EPHA6: variants seen among roughly 807,000 people sequenced by gnomAD.
EPHA6 encodes the protein EPH receptor A6.
In EPHA6, 50 loss-of-function variants were observed where a neutral mutation model predicts 112.0. That is an observed-to-expected ratio of 0.45 (90% CI 0.36 to 0.56). The LOEUF (loss-of-function observed/expected upper bound fraction) is 0.56. EPHA6 is among the 20% of genes least tolerant of loss of function. The pLI is 0.00. For synonymous variants in EPHA6, 529 were observed against 490.7 expected (o/e 1.08, Z -1.03); for missense variants, 1,280 against 1,417.4 (o/e 0.90, Z 1.56).
chr3:96,879,259 G>A (rs6783843), intron 2 of EPHA6, among the ~76,000 whole-genome samples: 3,474 of 152,052 alleles, frequency 0.023, 138 homozygotes, highest in African/African-American at 0.079. Context: ...TGAACATAAT[G>A]CTGGATACAA....
At chr3:97,205,743 T>C (rs1056942851) in intron 3 of EPHA6, among the ~76,000 whole-genome samples, 11 of 152,122 alleles carry the variant, frequency 7.2e-5, no homozygotes, top group Non-Finnish European at 1.3e-4. Context: ...CTATTTTGTG[T>C]ATAGCAGAGT....
At chr3:97,276,113 G>A (rs1250829455) in intron 5 of EPHA6, among the ~76,000 whole-genome samples, 1 of 152,106 alleles carries the variant, frequency 6.6e-6, no homozygotes, top group Non-Finnish European at 1.5e-5. Flanking sequence ...TGAAAAGAAG[G>A]TAATATGGAA....
intron 2 of EPHA6, among the ~76,000 whole-genome samples, chr3:96,881,404 C>T (rs1169094275): frequency 6.6e-6 from 1 of 152,056 alleles, no homozygotes; most frequent in African/African-American, 2.4e-5. Flanking sequence ...AGAGAGAAGC[C>T]AAAGCAGAAA....
chr3:97,620,486 C>G (rs973301821), intron 13 of EPHA6, among the ~76,000 whole-genome samples: 11 of 152,032 alleles, frequency 7.2e-5, no homozygotes, highest in South Asian at 6.2e-4. Context: ...GGACAACCTA[C>G]AGAATGGGAG....
At chr3:97,435,792 T>C (rs2089797962) in intron 6 of EPHA6, among the ~76,000 whole-genome samples, 1 of 152,182 alleles carries the variant, frequency 6.6e-6, no homozygotes, top group Non-Finnish European at 1.5e-5. Context: ...CTTAGGTTTA[T>C]GAGTAGATAA....
intron 6 of EPHA6, among the ~76,000 whole-genome samples, chr3:97,437,572 G>T (rs1207145053): frequency 2.0e-5 from 3 of 152,048 alleles, no homozygotes; most frequent in Non-Finnish European, 4.4e-5. Context: ...CATTTATGTG[G>T]CTGTTTTAAT....
At chr3:97,102,390 A>T (rs985323503) in intron 3 of EPHA6, among the ~76,000 whole-genome samples, 16 of 152,078 alleles carry the variant, frequency 1.1e-4, no homozygotes, top group Admixed American at 7.2e-4. Flanking sequence ...CAATAAAATT[A>T]TTGTTATTTT....
intron 3 of EPHA6, among the ~76,000 whole-genome samples, chr3:97,169,138 G>T (rs1321951785): frequency 6.6e-6 from 1 of 152,170 alleles, no homozygotes; most frequent in Non-Finnish European, 1.5e-5. Flanking sequence ...AGCGTTGAAA[G>T]AGGTTGTTGT....
intron 3 of EPHA6, among the ~76,000 whole-genome samples, chr3:97,034,540 G>T (rs1576362752): frequency 6.6e-6 from 1 of 151,950 alleles, no homozygotes; most frequent in East Asian, 1.9e-4. Context: ...TTTGAAGGTT[G>T]TATCCCTTGC....
At chr3:97,339,624 C>T (rs1209689373) in intron 5 of EPHA6, among the ~76,000 whole-genome samples, 3 of 152,122 alleles carry the variant, frequency 2.0e-5, no homozygotes, top group African/African-American at 7.2e-5. Flanking sequence ...GATGCCAATA[C>T]CTACCTTAGG....
chr3:97,741,393 T>G (rs1482245779), intron 16 of EPHA6, among the ~76,000 whole-genome samples: 2 of 151,888 alleles, frequency 1.3e-5, no homozygotes, highest in Admixed American at 6.6e-5. Flanking sequence ...TCCCATAAAC[T>G]TCTGGCACAA....
At chr3:96,981,942 T>A (rs10040071) in intron 2 of EPHA6, among the ~76,000 whole-genome samples, 1 of 152,182 alleles carries the variant, frequency 6.6e-6, no homozygotes, top group African/African-American at 2.4e-5. Flanking sequence ...GATTCTTCTC[T>A]CTTTTCTTCT....
chr3:97,186,410 C>T (rs2077138099), intron 3 of EPHA6, among the ~76,000 whole-genome samples: 1 of 152,052 alleles, frequency 6.6e-6, no homozygotes, highest in Non-Finnish European at 1.5e-5. Flanking sequence ...CTAATCTATT[C>T]CATGTACCAG....
intron 6 of EPHA6, among the ~76,000 whole-genome samples, chr3:97,422,877 C>T (rs1240412551): frequency 1.3e-5 from 2 of 152,002 alleles, no homozygotes; most frequent in East Asian, 1.9e-4. Flanking sequence ...CAATGTGATT[C>T]AGTAAATAAA....
intron 3 of EPHA6, among the ~76,000 whole-genome samples, chr3:97,069,832 A>G (rs1449269947): frequency 1.3e-5 from 2 of 152,186 alleles, no homozygotes; most frequent in Non-Finnish European, 2.9e-5. Flanking sequence ...GTTATTAAAT[A>G]TTATAATTCA....
chr3:97,512,393 A>G (rs2092381244), intron 10 of EPHA6, among the ~76,000 whole-genome samples: 1 of 152,236 alleles, frequency 6.6e-6, no homozygotes, highest in African/African-American at 2.4e-5. Context: ...GTATCATTTT[A>G]TAATAAATAG....
At chr3:97,303,083 A>C (rs1204118187) in intron 5 of EPHA6, among the ~76,000 whole-genome samples, 1 of 151,980 alleles carries the variant, frequency 6.6e-6, no homozygotes, top group Admixed American at 6.6e-5. Flanking sequence ...AACACTAAAG[A>C]AAACTCTTCT....
At chr3:97,081,185 T>A (rs557590501) in intron 3 of EPHA6, among the ~76,000 whole-genome samples, 2 of 151,988 alleles carry the variant, frequency 1.3e-5, no homozygotes, top group African/African-American at 4.8e-5. Flanking sequence ...CAGATAAGAA[T>A]GCAGAATTAA....
At chr3:97,441,453 A>G (rs1269531907) in intron 6 of EPHA6, 1 of 979,954 alleles carries the variant, frequency 1.0e-6, no homozygotes, top group African/African-American at 1.8e-5. Flanking sequence ...AACGTCCTCA[A>G]CTAGACATCT....
Sources: allele counts gnomAD v4.1 joint callset (sites outside exome capture counted in the v4.1 genomes callset), GRCh38; gene constraint gnomAD v4.1.1; transcripts MANE v1.5; gene names NCBI Gene and HGNC (gene_info 2026-07-23, HGNC 2026-07-21).